Variants in PEAK1 observed in about 807,000 individuals in gnomAD.
PEAK1 encodes the protein inactive tyrosine-protein kinase PEAK1.
Under a neutral mutation model 124.7 loss-of-function variants are expected in PEAK1, and 54 were observed. The observed-to-expected ratio is 0.43, with a 90% CI of 0.35 to 0.54. PEAK1 has a LOEUF of 0.54. Ranked by LOEUF, PEAK1 falls within the 20% of genes least tolerant of loss-of-function variation. The probability of loss-of-function intolerance (pLI) is 0.01; values close to 1 mark genes in which losing one functional copy is unlikely to be tolerated. For synonymous variants in PEAK1, 719 were observed against 760.0 expected (o/e 0.95, Z 0.89); for missense variants, 2,046 against 2,134.5 (o/e 0.96, Z 0.82).
At chr15:77,266,668 G>A (rs2061750481) in intron 5 of PEAK1, among the ~76,000 whole-genome samples, 2 of 152,128 alleles carry the variant, frequency 1.3e-5, no homozygotes, top group Non-Finnish European at 2.9e-5. Flanking sequence ...CAAGATAACA[G>A]ACATAAGAAT....
Position 77,270,989 on chromosome 15 carries a change from A to G in PEAK1, c.-275+12894T>C, listed in dbSNP as rs574031980. Among the ~76,000 whole-genome samples, 8 of 152,330 alleles carry G rather than the reference A, an allele frequency of 5.3e-5. No homozygotes were observed. In the South Asian group the frequency reaches 1.4e-3, roughly 28 times the overall value. ...AAAAGAAACTACCATCAGAGTGAAC[A>G]GGCAACCTACAGAATGGGAGAAAAT... On this transcript the variant is annotated intron_variant, in intron 5 of 9. Coordinates refer to ENST00000682557, the MANE Select transcript of PEAK1 (RefSeq NM_001385026.1).
chr15:77,418,168 T>C (rs1206366362), intron 1 of PEAK1: 5 of 985,064 alleles, frequency 5.1e-6, no homozygotes, highest in Non-Finnish European at 6.0e-6. Context: ...AACGAATAGT[T>C]GAGGTATCAT....
At chr15:77,313,527 C>T (rs1236589363) in intron 2 of PEAK1, among the ~76,000 whole-genome samples, 5 of 151,492 alleles carry the variant, frequency 3.3e-5, no homozygotes, top group African/African-American at 1.2e-4. Context: ...AGTGCAATGG[C>T]GCGAACTCGG....
intron 1 of PEAK1, among the ~76,000 whole-genome samples, chr15:77,368,928 C>A (rs1452131164): frequency 1.3e-5 from 2 of 152,154 alleles, no homozygotes; most frequent in Non-Finnish European, 2.9e-5. Flanking sequence ...TAATCCAGAA[C>A]TGATTTTAAA....
At chr15:77,208,083 T>C (rs564276027) in intron 6 of PEAK1, among the ~76,000 whole-genome samples, 1 of 152,278 alleles carries the variant, frequency 6.6e-6, no homozygotes, top group African/African-American at 2.4e-5. Context: ...AACTGTGCTT[T>C]GCATCTGCCC....
intron 5 of PEAK1, among the ~76,000 whole-genome samples, chr15:77,262,387 T>C (rs2061487563): frequency 6.6e-6 from 1 of 151,848 alleles, no homozygotes. Context: ...GAGACACACG[T>C]AGGCTCAAAA....
chr15:77,138,052 A>T (rs1450803626), intron 8 of PEAK1, among the ~76,000 whole-genome samples: 1 of 152,108 alleles, frequency 6.6e-6, no homozygotes, highest in Non-Finnish European at 1.5e-5. Context: ...TTCACATAAG[A>T]TGTGACTTGC....
chr15:77,342,153 T>C (rs552202741), intron 2 of PEAK1, among the ~76,000 whole-genome samples: 939 of 86,516 alleles, frequency 0.011, 14 homozygotes, highest in African/African-American at 0.044. Context: ...TCTTTCATTA[T>C]GGTAAAAAAA....
At chr15:77,223,886 ATTTTTTTTTTTTTTT>A (rs10719377) in intron 6 of PEAK1, among the ~76,000 whole-genome samples, 1 of 121,608 alleles carries the variant, frequency 8.2e-6, no homozygotes. Flanking sequence ...CATTTGAGAG[ATTTTTTTTTTTTTTT>A]TTTTTTTTAC....
chr15:77,142,210 A>G (rs2053841916), intron 8 of PEAK1, among the ~76,000 whole-genome samples: 2 of 152,224 alleles, frequency 1.3e-5, no homozygotes, highest in East Asian at 3.8e-4. Flanking sequence ...ATAAATGGCC[A>G]GTGTGTGTGG....
At chr15:77,229,046 A>G (rs1270481503) in intron 6 of PEAK1, among the ~76,000 whole-genome samples, 1 of 152,140 alleles carries the variant, frequency 6.6e-6, no homozygotes, top group Non-Finnish European at 1.5e-5. Flanking sequence ...TCATTCCAGC[A>G]GCCAGTCAGG....
intron 2 of PEAK1, chr15:77,347,275 A>C: frequency 1.0e-6 from 1 of 984,408 alleles, no homozygotes; most frequent in Non-Finnish European, 1.2e-6. Context: ...CCCACGAACT[A>C]TTCATGGAAA....
At chr15:77,286,323 T>C (rs2062929625) in intron 3 of PEAK1, 100 bp downstream of exon 3, 1 of 616,966 alleles carries the variant, frequency 1.6e-6, no homozygotes, top group Admixed American at 4.4e-5. Context: ...ATGGCAAGGT[T>C]TAAAATTATT....
chr15:77,137,855 G>A lies in PEAK1; in HGVS notation c.3332-4105C>T, dbSNP rs572173050. The stretch of plus-strand genomic sequence containing the variant: ...GCAAGGGGTGGAATGATATGGTTTG[G>A]CTGTGTCCCCACCCAAATTTCATCT... On this transcript the variant is annotated intron_variant, in intron 8 of 9. Coordinates refer to ENST00000682557, the MANE Select transcript of PEAK1 (RefSeq NM_001385026.1). 9.5e-4 allele frequency among the ~76,000 whole-genome samples: 145 copies of A among 152,274 alleles called. 1 individual carries two copies. Among genetic ancestry groups the A allele is most frequent in the African/African-American group, 3.4e-3 (141 of 41,538 alleles).
At chr15:77,137,711 C>T (rs898636021) in intron 8 of PEAK1, among the ~76,000 whole-genome samples, 4 of 152,094 alleles carry the variant, frequency 2.6e-5, no homozygotes, top group African/African-American at 9.7e-5. Flanking sequence ...CTTGCCTTGT[C>T]TCGGATGAGA....
chr15:77,369,736 G>A (rs1366896700), intron 1 of PEAK1, among the ~76,000 whole-genome samples: 1 of 150,898 alleles, frequency 6.6e-6, no homozygotes, highest in Non-Finnish European at 1.5e-5. Context: ...GATTTGAACT[G>A]TGCCATGGCA....
chr15:77,218,084 A>G (rs527331550), intron 6 of PEAK1, among the ~76,000 whole-genome samples: 4 of 152,282 alleles, frequency 2.6e-5, no homozygotes, highest in African/African-American at 9.6e-5. Context: ...TTCCTTTCCA[A>G]TCTGTATGCC....
chr15:77,256,231 C>G (rs772540699), intron 5 of PEAK1, among the ~76,000 whole-genome samples: 1 of 152,006 alleles, frequency 6.6e-6, no homozygotes, highest in Non-Finnish European at 1.5e-5. Flanking sequence ...AATGTGCAGG[C>G]TTGGTAGTAA....
chr15:77,316,098 A>G (rs1292871403), intron 2 of PEAK1, among the ~76,000 whole-genome samples: 1 of 152,164 alleles, frequency 6.6e-6, no homozygotes. Context: ...TGCTCTTAAA[A>G]AGCCTGTTTA....
Sources: gnomAD v4.1 joint callset for allele counts (sites outside exome capture counted in the v4.1 genomes callset) on GRCh38, gnomAD v4.1.1 for gene constraint, MANE v1.5 for transcripts, NCBI Gene and HGNC (gene_info 2026-07-23, HGNC 2026-07-21) for gene names.